SLC39A12: variants seen among roughly 807,000 people sequenced by gnomAD.
SLC39A12 encodes zinc transporter ZIP12.
In SLC39A12, 63 loss-of-function variants were observed where a neutral mutation model predicts 71.1. The ratio of observed to expected loss-of-function variants is 0.89; its 90% confidence interval spans 0.72 to 1.09. SLC39A12 has a LOEUF of 1.09. Ranked by LOEUF, SLC39A12 falls within the 50% of genes least tolerant of loss-of-function variation. The pLI is 0.00. For synonymous variants in SLC39A12, 351 were observed against 301.3 expected (o/e 1.16, Z -1.71); for missense variants, 892 against 812.6 (o/e 1.10, Z -1.19).
chr10:17,952,497 T>A (rs1210436168), intron 1 of SLC39A12, among the ~76,000 whole-genome samples: 1 of 150,556 alleles, frequency 6.6e-6, no homozygotes, highest in Non-Finnish European at 1.5e-5. Flanking sequence ...TTTTCTTTTT[T>A]TTTTTTTTGA....
chr10:17,980,058 A>G (rs1835212720), intron 5 of SLC39A12, among the ~76,000 whole-genome samples: 1 of 152,168 alleles, frequency 6.6e-6, no homozygotes, highest in African/African-American at 2.4e-5. Flanking sequence ...GTTGTGGGCA[A>G]AGATCATGCA....
chr10:18,036,764 A>ATTTTTTT, intron 12 of SLC39A12, among the ~76,000 whole-genome samples: 1 of 10,548 alleles, frequency 9.5e-5, no homozygotes. Context: ...ATATATATAT[A>ATTTTTTT]TATATATATA....
At position 18,029,786 on chromosome 10, in the gene SLC39A12, C is replaced by T. The variant is rs1463322130; in HGVS notation, c.1948-12919C>T. Among the ~76,000 whole-genome samples the T allele has an allele frequency of 2.0e-5, 3 of 151,220 alleles. No individual in the cohort carries two copies. The East Asian group carries it at 5.8e-4, about 29-fold the overall frequency. On this transcript the variant is annotated intron_variant, in intron 12 of 12. Transcript: ENST00000377369. ...GGGGGAAATGGTGGCATTTAAACTC[C>T]TGCCAAAAATTTTAAATTTCTAACA...
intron 6 of SLC39A12, among the ~76,000 whole-genome samples, chr10:17,982,289 G>T (rs899479925): frequency 1.8e-4 from 27 of 152,096 alleles, no homozygotes; most frequent in Non-Finnish European, 3.4e-4. Flanking sequence ...GTTCAAATGG[G>T]ATAATGTGGA....
intron 10 of SLC39A12, among the ~76,000 whole-genome samples, chr10:17,996,544 C>T (rs1835686920): frequency 6.6e-6 from 1 of 152,152 alleles, no homozygotes; most frequent in Non-Finnish European, 1.5e-5. Flanking sequence ...GTATGCTAGG[C>T]ACAGGGCTAC....
intron 3 of SLC39A12, among the ~76,000 whole-genome samples, chr10:17,962,208 A>T (rs1191052381): frequency 6.6e-6 from 1 of 152,202 alleles, no homozygotes; most frequent in Non-Finnish European, 1.5e-5. Context: ...GGTGGAGAGC[A>T]ATGTTTCTAT....
At chr10:18,027,142 A>G (rs1836701277) in intron 12 of SLC39A12, among the ~76,000 whole-genome samples, 6 of 152,234 alleles carry the variant, frequency 3.9e-5, no homozygotes, top group Admixed American at 3.9e-4. Context: ...TAATGTGGTA[A>G]GAAGGAATAC....
intron 4 of SLC39A12, among the ~76,000 whole-genome samples, chr10:17,970,761 A>G (rs58920263): frequency 7.7e-4 from 115 of 150,246 alleles, no homozygotes; most frequent in African/African-American, 2.5e-3. Context: ...GGATAATTTG[A>G]CTTCTTCCAT....
At chr10:17,964,753 C>T (rs144757774) in intron 3 of SLC39A12, among the ~76,000 whole-genome samples, 52 of 152,252 alleles carry the variant, frequency 3.4e-4, no homozygotes, top group African/African-American at 5.5e-4. Flanking sequence ...CCTGTGATGA[C>T]GCAAGGCAGC....
rs374071791 is a variant in SLC39A12 at position 18,000,337 on chromosome 10, C to T, written c.1601-330C>T. ...TTTTAAATGCATTGCAAAAGACAGA[C>T]GGGAAGGTCATCAGTGGTACTTGGG... On this transcript the variant is annotated intron_variant, in intron 10 of 12. Transcript: ENST00000377369. Among the ~76,000 whole-genome samples, 38 of 152,256 alleles carry T rather than the reference C, an allele frequency of 2.5e-4. No homozygotes were observed. In the South Asian group the frequency reaches 4.1e-3, roughly 17 times the overall value.
At chr10:17,952,197 A>C (rs557016053) in intron 1 of SLC39A12, among the ~76,000 whole-genome samples, 172 bp downstream of exon 1, 7 of 152,172 alleles carry the variant, frequency 4.6e-5, no homozygotes, top group Non-Finnish European at 8.8e-5. Flanking sequence ...CGGACATGAG[A>C]TGCTGTTAAC....
At position 17,991,261 on chromosome 10, in the gene SLC39A12, G is replaced by C. The variant is rs147058022; in HGVS notation, c.1380G>C (p.Leu460Phe). Residue 460 changes from leucine (L) to phenylalanine (F), a missense_variant, in exon 8 of 13, where the codon TTG (leucine) becomes TTC (phenylalanine). Coordinates refer to ENST00000377369, the MANE Select transcript of SLC39A12 (RefSeq NM_001145195.2). The part of the protein sequence containing the change: ...GLIGGIHGFF[L>F]IEKCFILLVS... Reference sequence around the variant, plus strand: ...TTGGAGGCATCCATGGATTTTTCTTGATAGAAAAATGTTTTATTCTTCTTG... The same window carrying C: ...TTGGAGGCATCCATGGATTTTTCTTCATAGAAAAATGTTTTATTCTTCTTG... The C allele has an allele frequency of 5.3e-4, 852 of 1,596,228 alleles. 1 individual carries two copies. The highest frequency in any genetic ancestry group is 7.0e-4 in the Non-Finnish European group (820 of 1,174,054).
intron 10 of SLC39A12, among the ~76,000 whole-genome samples, chr10:18,000,315 T>A (rs1462139857): frequency 1.3e-5 from 2 of 152,224 alleles, no homozygotes; most frequent in African/African-American, 4.8e-5. Flanking sequence ...AAATTATTTT[T>A]AAATGCATTG....
At chr10:17,962,898 A>G (rs900106236) in intron 3 of SLC39A12, among the ~76,000 whole-genome samples, 1 of 152,152 alleles carries the variant, frequency 6.6e-6, no homozygotes, top group East Asian at 1.9e-4. Context: ...GCTCATACCT[A>G]TAATCCCAAC....
intron 10 of SLC39A12, among the ~76,000 whole-genome samples, chr10:17,999,759 A>G (rs1256269268): frequency 1.3e-5 from 2 of 152,212 alleles, no homozygotes; most frequent in Non-Finnish European, 2.9e-5. Flanking sequence ...TTGAGAAATT[A>G]TTCCAAAGCT....
intron 12 of SLC39A12, among the ~76,000 whole-genome samples, chr10:18,025,162 G>C (rs1381422037): frequency 6.6e-6 from 1 of 151,850 alleles, no homozygotes; most frequent in African/African-American, 2.4e-5. Flanking sequence ...GCTCTCTTTT[G>C]TCTTTCACAT....
At chr10:17,986,218 A>G (rs1390886087) in intron 6 of SLC39A12, among the ~76,000 whole-genome samples, 1 of 152,178 alleles carries the variant, frequency 6.6e-6, no homozygotes, top group Non-Finnish European at 1.5e-5. Context: ...AGTGAGAGAA[A>G]TTTATTTCTT....
chr10:17,961,792 TC>T lies in SLC39A12; in HGVS notation c.475del (p.Leu159PhefsTer36). Reference protein sequence around the residue: ...LSLRQDEDSSFLSQNETEDIL... With the variant: ...LSLRQDEDSSXLSQNETEDIL... The stretch of plus-strand genomic sequence containing the variant: ...CTCAGGCAGGATGAAGATTCCTCTT[TC>T]CTTTCACAGAATGAGACAGAAGATA... On this transcript the variant is annotated frameshift_variant, in exon 3 of 13. Coordinates refer to ENST00000377369, the MANE Select transcript of SLC39A12 (RefSeq NM_001145195.2). LOFTEE classifies it high-confidence loss of function. 6.2e-7 allele frequency: 1 copy of T among 1,614,134 alleles called. No individual in the cohort carries two copies. The highest frequency in any genetic ancestry group is 2.2e-5 in the East Asian group (1 of 44,870).
chr10:17,969,035 T>C (rs1834902690), intron 4 of SLC39A12, among the ~76,000 whole-genome samples: 1 of 152,238 alleles, frequency 6.6e-6, no homozygotes. Flanking sequence ...AGTGAGAATA[T>C]GCAATGTTTG....
Sources: gnomAD v4.1 joint callset for allele counts (sites outside exome capture counted in the v4.1 genomes callset) on GRCh38, gnomAD v4.1.1 for gene constraint, MANE v1.5 for transcripts, NCBI Gene and HGNC (gene_info 2026-07-23, HGNC 2026-07-21) for gene names.